HSPB8: variants seen among roughly 807,000 people sequenced by gnomAD.
The protein encoded by HSPB8 is heat shock protein family B (small) member 8, also known as heat shock protein beta-8.
HSPB8 carries 9 observed loss-of-function variants against 16.5 expected under a neutral mutation model. The ratio of observed to expected loss-of-function variants is 0.55; its 90% CI spans 0.33 to 0.95. HSPB8 has a LOEUF of 0.95. Among genes scored for constraint, HSPB8 ranks in the 40% least tolerant of loss-of-function variants. The pLI, the probability that HSPB8 is intolerant of heterozygous loss-of-function variation, is 0.03. For missense variants in HSPB8, 238 were observed against 251.2 expected, an observed-to-expected ratio of 0.95 and a Z score of 0.35; for synonymous variants, 99 against 94.8, an observed-to-expected ratio of 1.04 and a Z score of -0.26.
chr12:119,182,355 C>T (rs1030532170), intron 1 of HSPB8, among the ~76,000 whole-genome samples: 4 of 152,194 alleles, frequency 2.6e-5, no homozygotes, highest in East Asian at 1.9e-4. Flanking sequence ...AAGCAACTTT[C>T]GGGCCGGGTG....
chr12:119,179,403 C>T lies in HSPB8; in HGVS notation c.91C>T (p.Leu31=). 6.2e-7 allele frequency: 1 copy of T among 1,614,142 alleles called. No homozygotes were observed. Among genetic ancestry groups the T allele is most frequent in the East Asian group, 2.2e-5 (1 of 44,846 alleles). ...FRDSPLSSRL[L]DDGFGMDPFP... ...GGACTCTCCCCTCTCCTCTCGCCTG[C>T]TGGATGATGGCTTTGGCATGGACCC... The change falls in exon 1 of 3, where the codon CTG becomes TTG. Residue 31 remains leucine (L), a synonymous_variant. Transcript: ENST00000281938.
At chr12:119,186,884 G>A (rs1400146444) in intron 1 of HSPB8, 141 bp from the exon 2 acceptor site, 8 of 784,794 alleles carry the variant, frequency 1.0e-5, no homozygotes, top group South Asian at 7.0e-5. Flanking sequence ...GGTCCTTGAG[G>A]CTTAGATAAC....
chr12:119,187,032 T>C lies in HSPB8; in HGVS notation c.375T>C (p.His125=), dbSNP rs923916572. The change falls in exon 2 of 3, where the codon CAT becomes CAC. Residue 125 remains histidine (H), a synonymous_variant. Coordinates refer to ENST00000281938, the MANE Select transcript of HSPB8 (RefSeq NM_014365.3). ...KDGYVEVSGK[H]EEKQQEGGIV... is the part of the protein sequence containing the mutation. Reference sequence around the variant, plus strand: ...CACTTTTCTTCCTTCCAGGCAAACATGAAGAGAAACAGCAAGAAGGTGGCA... The same window carrying C: ...CACTTTTCTTCCTTCCAGGCAAACACGAAGAGAAACAGCAAGAAGGTGGCA... 6.2e-6 allele frequency: 10 copies of C among 1,613,842 alleles called. No homozygotes were observed. Among genetic ancestry groups the C allele is most frequent in the South Asian group, 1.1e-5 (1 of 91,068 alleles).
intron 1 of HSPB8, among the ~76,000 whole-genome samples, chr12:119,183,716 A>G (rs995006823): frequency 2.6e-5 from 4 of 152,174 alleles, no homozygotes; most frequent in Admixed American, 6.5e-5. Flanking sequence ...TGATAAGCAA[A>G]TTGAGTTTCA....
chr12:119,179,592 G>A lies in HSPB8; in HGVS notation c.280G>A (p.Glu94Lys), dbSNP rs769296712. 96 of 1,611,086 alleles carry A rather than the reference G, an allele frequency of 6.0e-5. No individual in the cohort carries two copies. The highest frequency in any genetic ancestry group is 8.1e-5 in the Non-Finnish European group (95 of 1,178,432). The change falls in exon 1 of 3, where the codon GAG (glutamate) becomes AAG (lysine). Residue 94 changes from glutamate (E) to lysine (K), a missense_variant. Glu to Lys is a moderately conservative substitution (Grantham distance 56, BLOSUM62 1). Coordinates refer to ENST00000281938, the MANE Select transcript of HSPB8 (RefSeq NM_014365.3). ...CAGGACCCCCCCACCCTTCCCTGGG[G>A]AGCCCTGGAAAGTGTGTGTGAATGT... is the stretch of plus-strand genomic sequence containing the variant. ...EGRTPPPFPG[E>K]PWKVCVNVHS...
chr12:119,192,656 A>C (rs537427026), intron 2 of HSPB8, among the ~76,000 whole-genome samples: 39 of 152,240 alleles, frequency 2.6e-4, no homozygotes, highest in Non-Finnish European at 4.9e-4. Context: ...ACTCTGTCCC[A>C]AAAAAATAAA....
rs1795528863 is a variant in HSPB8, at chr12:119,178,956, C to T, written c.-357C>T. The T allele has an allele frequency of 5.5e-6, 2 of 364,474 alleles. No homozygotes were observed. The highest frequency in any genetic ancestry group is 2.8e-5 in the South Asian group (1 of 35,906). 22.6% of individuals were successfully genotyped at this position (364,474 alleles called of 1,614,324 possible). ...AGAAGAAGTTTCTAGGCGCGCGTGC[C>T]CTGGGTTTATTAAGCTCCTGGCTCC... On this transcript the variant is annotated 5_prime_UTR_variant, in exon 1 of 3. Coordinates refer to ENST00000281938, the MANE Select transcript of HSPB8 (RefSeq NM_014365.3).
At chr12:119,190,105 T>G (rs1470589822) in intron 2 of HSPB8, among the ~76,000 whole-genome samples, 1 of 152,090 alleles carries the variant, frequency 6.6e-6, no homozygotes, top group African/African-American at 2.4e-5. Context: ...AGTGAGAGGA[T>G]GTGTATAACG....
chr12:119,185,086 G>T (rs923574867), intron 1 of HSPB8, among the ~76,000 whole-genome samples: 1 of 151,796 alleles, frequency 6.6e-6, no homozygotes, highest in African/African-American at 2.4e-5. Context: ...ATTATTAATA[G>T]CTTCCGTGGG....
chr12:119,179,842 C>T (rs1416811418), intron 1 of HSPB8, among the ~76,000 whole-genome samples, 163 bp downstream of exon 1: 1 of 152,130 alleles, frequency 6.6e-6, no homozygotes, highest in African/African-American at 2.4e-5. Context: ...TTACGGAAAA[C>T]TTCTCTCCCG....
At chr12:119,186,828 T>C in intron 1 of HSPB8, 197 bp from the exon 2 acceptor site, 1 of 614,158 alleles carries the variant, frequency 1.6e-6, no homozygotes, top group Non-Finnish European at 2.9e-6. Context: ...TTCACCTTCA[T>C]AGCCAGCCTT....
Position 119,192,990 on chromosome 12 carries a change from G to A in HSPB8, c.432-709G>A, listed in dbSNP as rs146989093. ...CCCATGATTCAATTATCTCCCATCAGGCCTCTCCCACAACGTATGGGAATT... is the reference window on the plus strand; with the variant it reads ...CCCATGATTCAATTATCTCCCATCAAGCCTCTCCCACAACGTATGGGAATT... On this transcript the variant is annotated intron_variant, in intron 2 of 2. Coordinates refer to ENST00000281938, the MANE Select transcript of HSPB8 (RefSeq NM_014365.3). 7.1e-3 allele frequency among the ~76,000 whole-genome samples: 1,087 copies of A among 152,170 alleles called. 4 individuals carry two copies. Among genetic ancestry groups the A allele is most frequent in the Middle Eastern group, 0.031 (9 of 294 alleles).
intron 2 of HSPB8, among the ~76,000 whole-genome samples, chr12:119,189,867 C>T (rs569467571): frequency 8.5e-5 from 13 of 152,322 alleles, no homozygotes; most frequent in South Asian, 4.1e-4. Context: ...AACCTCTCCA[C>T]CTTCCAACAA....
intron 1 of HSPB8, among the ~76,000 whole-genome samples, chr12:119,184,760 G>A (rs7303610): frequency 0.32 from 49,220 of 152,056 alleles, 8,756 homozygotes; most frequent in African/African-American, 0.48. Flanking sequence ...CCTGGTGTGA[G>A]GTTCTAGCTA....
intron 2 of HSPB8, among the ~76,000 whole-genome samples, chr12:119,189,331 G>GTGTT (rs1238361907): frequency 6.6e-6 from 1 of 151,704 alleles, no homozygotes; most frequent in Non-Finnish European, 1.5e-5. Context: ...GTGTGTGTGT[G>GTGTT]TGTGTGTGTG....
chr12:119,180,721 C>T (rs1954631307), intron 1 of HSPB8, among the ~76,000 whole-genome samples: 2 of 152,192 alleles, frequency 1.3e-5, no homozygotes, highest in African/African-American at 4.8e-5. Context: ...CTTTCTTTTC[C>T]TTCCCTCCTG....
rs143764696 is a variant in HSPB8, at chr12:119,184,345, A to T, written c.368-2680A>T. ...CAGTGGCTGACACCAAGGAAGCGCT[A>T]TATTACTTGCTATTATTATTTATAT... On this transcript the variant is annotated intron_variant, in intron 1 of 2. Transcript: ENST00000281938. 1.8e-3 allele frequency among the ~76,000 whole-genome samples: 280 copies of T among 152,354 alleles called. 1 individual carries two copies. Among genetic ancestry groups the T allele is most frequent in the Non-Finnish European group, 2.9e-3 (196 of 68,026 alleles).
Position 119,179,451 on chromosome 12 carries a change from T to C in HSPB8, c.139T>C (p.Ser47Pro), listed in dbSNP as rs1592927400. The change falls in exon 1 of 3, where the codon TCT (serine) becomes CCT (proline). Residue 47 changes from serine (S) to proline (P), a missense_variant. Ser to Pro is a moderately conservative substitution (Grantham distance 74). Transcript: ENST00000281938. ...CCCCTTCCCAGACGACTTGACAGCC[T>C]CTTGGCCCGACTGGGCTCTGCCTCG... The part of the protein sequence containing the change: ...MDPFPDDLTA[S>P]WPDWALPRLS... 1 of 1,614,008 alleles carries C rather than the reference T, an allele frequency of 6.2e-7. No homozygotes were observed. Among genetic ancestry groups the C allele is most frequent in the Non-Finnish European group, 8.5e-7 (1 of 1,180,002 alleles).
chr12:119,188,369 C>T (rs1954690642), intron 2 of HSPB8, among the ~76,000 whole-genome samples: 1 of 151,814 alleles, frequency 6.6e-6, no homozygotes, highest in Non-Finnish European at 1.5e-5. Context: ...GCCTCAATCT[C>T]CCAAGTAGCT....
Sources: gnomAD v4.1 joint callset for allele counts (sites outside exome capture counted in the v4.1 genomes callset) on GRCh38, gnomAD v4.1.1 for gene constraint, MANE v1.5 for transcripts, NCBI Gene and HGNC (gene_info 2026-07-23, HGNC 2026-07-21) for gene names.